The following ATAD2B variants were observed in gnomAD, a reference collection of about 807,000 sequenced individuals.
The protein encoded by ATAD2B is ATPase family AAA domain containing 2B, also known as ATPase family AAA domain-containing protein 2B.
In ATAD2B, 40 loss-of-function variants were observed where a neutral mutation model predicts 167.6. The observed-to-expected ratio is 0.24, with a 90% CI of 0.19 to 0.31. The LOEUF (loss-of-function observed/expected upper bound fraction) is 0.31. Among genes scored for constraint, ATAD2B ranks in the 10% least tolerant of loss-of-function variants. The pLI is 1.00. For synonymous variants in ATAD2B, 579 were observed against 596.5 expected, an observed-to-expected ratio of 0.97 and a Z score of 0.43; for missense variants, 1,242 against 1,757.2, an observed-to-expected ratio of 0.71 and a Z score of 5.24.
Position 23,808,001 on chromosome 2 carries a change from G to GTAATTTATATATATTATTTATATATATAA in ATAD2B, c.2454+2314_2454+2315insTTATATATATAAATAATATATATAAATTA, listed in dbSNP as rs1221183428. On this transcript the variant is annotated intron_variant, in intron 18 of 27. Coordinates refer to ENST00000238789, the MANE Select transcript of ATAD2B (RefSeq NM_017552.4). ...TATATTTATATATAAATTTAGCACAGTAATTTATATATATTATTTATTTAT... is the reference window on the plus strand; with the variant it reads ...TATATTTATATATAAATTTAGCACAGTAATTTATATATATTATTTATATATATAATAATTTATATATATTATTTATTTAT... 2.6e-4 allele frequency among the ~76,000 whole-genome samples: 26 copies of GTAATTTATATATATTATTTATATATATAA among 98,596 alleles called. No individual in the cohort carries two copies. In the South Asian group the frequency reaches 7.3e-3, roughly 28 times the overall value. 64.7% of individuals were successfully genotyped at this position (98,596 alleles called of 152,430 possible).
intron 1 of ATAD2B, among the ~76,000 whole-genome samples, chr2:23,909,238 C>T (rs1701913791): frequency 6.6e-6 from 1 of 151,758 alleles, no homozygotes; most frequent in Non-Finnish European, 1.5e-5. Context: ...GTGGCTCACA[C>T]CTGTAATCCC....
intron 22 of ATAD2B, among the ~76,000 whole-genome samples, chr2:23,767,322 A>G (rs1677588831): frequency 6.6e-6 from 1 of 152,198 alleles, no homozygotes; most frequent in South Asian, 2.1e-4. Context: ...CCTAGCCAAC[A>G]GGAGAAGGAC....
At chr2:23,793,115 T>C (rs1682076054) in intron 19 of ATAD2B, among the ~76,000 whole-genome samples, 1 of 152,104 alleles carries the variant, frequency 6.6e-6, no homozygotes, top group African/African-American at 2.4e-5. Flanking sequence ...ATGCCCCTAC[T>C]TGATTTTTCT....
At chr2:23,684,140 A>AT in the ATAD2B span, among the ~76,000 whole-genome samples, 2 of 151,892 alleles carry the variant, frequency 1.3e-5, no homozygotes, top group South Asian at 2.1e-4. This position sits in a 1 kb window ranked among gnomAD's most constrained non-coding sequence, Gnocchi z 4.4. Flanking sequence ...TCTGGGTTTG[A>AT]TTTTTTGTAT....
chr2:23,681,448 C>T, the ATAD2B span, among the ~76,000 whole-genome samples: 3 of 152,242 alleles, frequency 2.0e-5, no homozygotes, highest in East Asian at 1.9e-4. This position sits in a 1 kb window ranked among gnomAD's most constrained non-coding sequence, Gnocchi z 4.2. Context: ...GAATCATTGC[C>T]GGGACCTCGA....
At position 23,863,633 on chromosome 2, in the gene ATAD2B, C is replaced by T. The variant is rs1347348872; in HGVS notation, c.1305-78G>A. The T allele has an allele frequency of 8.6e-6, 11 of 1,277,058 alleles. No homozygotes were observed. In the African/African-American group the frequency reaches 9.1e-5, roughly 11 times the overall value. The allele number at this position is 1,277,058 out of a possible 1,614,324, so 79.1% of individuals were successfully genotyped here. A position where few individuals can be genotyped will look rare whatever the true frequency, so the allele number is the denominator to read the frequency against. ...TAACCAATTTTAAAAAATGTCCCCC[C>T]CTTCCATATAATTTTGTATTGAAGT... On this transcript the variant is annotated intron_variant, in intron 11 of 27. Transcript: ENST00000238789.
the ATAD2B span, among the ~76,000 whole-genome samples, chr2:23,678,103 A>G: frequency 4.6e-5 from 7 of 152,360 alleles, no homozygotes; most frequent in African/African-American, 1.7e-4. Flanking sequence ...CGAGCCCATT[A>G]GTCTCTGACA....
At chr2:23,874,766 G>A (rs1051904673) in intron 8 of ATAD2B, among the ~76,000 whole-genome samples, 1 of 151,894 alleles carries the variant, frequency 6.6e-6, no homozygotes, top group African/African-American at 2.4e-5. Context: ...TAAAAGAAAG[G>A]ATAATTAGGG....
the ATAD2B span, among the ~76,000 whole-genome samples, chr2:23,720,059 G>A: frequency 3.9e-5 from 6 of 152,234 alleles, no homozygotes; most frequent in South Asian, 1.2e-3. Context: ...GGTAAACCTG[G>A]GCTTAAGGTG....
chr2:23,912,057 A>G (rs1157195557), intron 1 of ATAD2B, among the ~76,000 whole-genome samples: 1 of 152,158 alleles, frequency 6.6e-6, no homozygotes, highest in Non-Finnish European at 1.5e-5. Flanking sequence ...ACTGCAGAAT[A>G]CATATTCTTT....
chr2:23,681,191 G>A, the ATAD2B span, among the ~76,000 whole-genome samples: 32 of 152,332 alleles, frequency 2.1e-4, no homozygotes, highest in Non-Finnish European at 4.1e-4. This position sits in a 1 kb window ranked among gnomAD's most constrained non-coding sequence, Gnocchi z 4.2. Flanking sequence ...CCAGCCAATC[G>A]ATACTAGGAA....
At chr2:23,691,612 G>A in the ATAD2B span, 40 of 1,422,992 alleles carry the variant, frequency 2.8e-5, no homozygotes, top group Non-Finnish European at 3.8e-5. Context: ...ATCTAGCCCT[G>A]TGAGGAAGCG....
intron 19 of ATAD2B, among the ~76,000 whole-genome samples, chr2:23,793,087 C>G (rs1407895330): frequency 6.7e-6 from 1 of 149,566 alleles, no homozygotes; most frequent in African/African-American, 2.5e-5. Flanking sequence ...ATCTTATGAT[C>G]ATTAATCTGA....
downstream of ATAD2B, among the ~76,000 whole-genome samples, chr2:23,743,991 A>T (rs1222776667): frequency 6.6e-6 from 1 of 152,226 alleles, no homozygotes; most frequent in East Asian, 1.9e-4. Flanking sequence ...GGTGTACAAG[A>T]AAGGAAACAT....
the ATAD2B span, among the ~76,000 whole-genome samples, chr2:23,701,785 TTTTTTTGC>T: frequency 2.3e-5 from 3 of 129,366 alleles, no homozygotes; most frequent in African/African-American, 5.5e-5. Flanking sequence ...ACACATGGCT[TTTTTTTGC>T]TTTTTTTTTT....
intron 2 of ATAD2B, among the ~76,000 whole-genome samples, chr2:23,893,726 ATGGC>A: frequency 1.4e-5 from 2 of 141,956 alleles, no homozygotes; most frequent in African/African-American, 5.3e-5. Context: ...ATGGAGTGCG[ATGGC>A]GTGATCACAG....
In ATAD2B at chr2:23,749,565, T is replaced by C. The variant is rs1200381921; in HGVS notation, c.*2481A>G. 2 of 152,100 alleles carry C rather than the reference T, an allele frequency of 1.3e-5. No homozygotes were observed. The highest frequency in any genetic ancestry group is 2.9e-5 in the Non-Finnish European group (2 of 68,000). The allele number at this position is 152,100 out of a possible 1,614,324, so 9.4% of individuals were successfully genotyped here. ...AAAACTGGTAAGTGTGTTTTTTTAA[T>C]TGAGGGAAGGAGGGCCAGAGGAGTT... is the stretch of plus-strand genomic sequence containing the variant. On this transcript the variant is annotated 3_prime_UTR_variant, in exon 28 of 28. Coordinates refer to ENST00000238789, the MANE Select transcript of ATAD2B (RefSeq NM_017552.4).
intron 14 of ATAD2B, among the ~76,000 whole-genome samples, chr2:23,832,056 C>T (rs141120250): frequency 2.0e-5 from 3 of 152,264 alleles, no homozygotes; most frequent in African/African-American, 7.2e-5. Flanking sequence ...GATTCACTGA[C>T]GACCTACATC....
chr2:23,885,373 C>T (rs1286417502), intron 5 of ATAD2B, among the ~76,000 whole-genome samples: 2 of 152,274 alleles, frequency 1.3e-5, no homozygotes, highest in Non-Finnish European at 1.5e-5. Flanking sequence ...TACACTTAGG[C>T]AATGGTGTGT....
Sources: gnomAD v4.1 joint callset for allele counts (sites outside exome capture counted in the v4.1 genomes callset) on GRCh38, gnomAD v4.1.1 for gene constraint, Gnocchi (gnomAD v3.1) non-coding constraint, MANE v1.5 for transcripts, NCBI Gene and HGNC (gene_info 2026-07-23, HGNC 2026-07-21) for gene names.